The following CD3G variants were observed in gnomAD, a reference collection of about 807,000 sequenced individuals.
CD3G encodes CD3 gamma subunit of T-cell receptor complex, also known as T-cell surface glycoprotein CD3 gamma chain.
CD3G carries 24 observed loss-of-function variants against 28.3 expected under a neutral mutation model. The ratio of observed to expected loss-of-function variants is 0.85; its 90% CI spans 0.61 to 1.19. The LOEUF (loss-of-function observed/expected upper bound fraction) is 1.19. CD3G is among the 50% of genes most tolerant of loss of function. The pLI, the probability that CD3G is intolerant of heterozygous loss-of-function variation, is 0.00. For synonymous variants in CD3G, 71 were observed against 75.9 expected, an observed-to-expected ratio of 0.93 and a Z score of 0.34; for missense variants, 211 against 210.0, an observed-to-expected ratio of 1.00 and a Z score of -0.03.
Position 118,351,671 on chromosome 11 carries a change from G to A in CD3G, c.483G>A (p.Gln161=), listed in dbSNP as rs201537329. The part of the protein sequence containing the change: ...QTLLPNDQLY[Q]PLKDREDDQY... The stretch of plus-strand genomic sequence containing the variant: ...TGTTGCCCAATGACCAGCTCTACCA[G>A]GTAAGGGGATGAAGAATAAAAGAGA... The change falls in exon 5 of 7, where the codon CAG becomes CAA. Residue 161 remains glutamine (Q), a splice_region_variant and synonymous_variant. Transcript: ENST00000532917. 3.1e-6 allele frequency: 5 copies of A among 1,613,738 alleles called. No homozygotes were observed. In the African/African-American group the frequency reaches 4.0e-5, roughly 13 times the overall value.
chr11:118,352,513 T>C (rs1314947210), intron 6 of CD3G, 26 bp downstream of exon 6: 1 of 1,479,098 alleles, frequency 6.8e-7, no homozygotes, highest in Non-Finnish European at 9.4e-7. Flanking sequence ...CCAATTCTAA[T>C]AAAGGACCCT....
rs34109639 is a variant in CD3G, at chr11:118,351,186, C to CAAAAA, written c.440-426_440-422dup. Among the ~76,000 whole-genome samples, 44 of 70,520 alleles carry CAAAAA rather than the reference C, an allele frequency of 6.2e-4. 2 individuals are homozygous for CAAAAA. The highest frequency in any genetic ancestry group is 1.1e-3 in the African/African-American group (18 of 15,714). 46.3% of individuals were successfully genotyped at this position (70,520 alleles called of 152,430 possible). A position where few individuals can be genotyped will look rare whatever the true frequency, so the allele number is the denominator to read the frequency against. On this transcript the variant is annotated intron_variant, in intron 4 of 6. Transcript: ENST00000532917. ...TGGGCGACAGAGCAAGACTCCGTCT[C>CAAAAA]AAAAAAAAAAAAAAAAAAAACTATT... is the stretch of plus-strand genomic sequence containing the variant.
At chr11:118,345,934 G>A (rs1425928674) in intron 1 of CD3G, among the ~76,000 whole-genome samples, 1 of 152,212 alleles carries the variant, frequency 6.6e-6, no homozygotes, top group Non-Finnish European at 1.5e-5. Flanking sequence ...AATTATTTCT[G>A]AGAGAAATGC....
intron 1 of CD3G, among the ~76,000 whole-genome samples, chr11:118,346,449 A>G (rs1365328931): frequency 6.8e-6 from 1 of 147,808 alleles, no homozygotes; most frequent in African/African-American, 2.5e-5. Flanking sequence ...AAAACAAAAC[A>G]AAAAAAAAAG....
At chr11:118,350,907 A>AAAAAAAAAAAAAAAAAAAAAAG (rs1948403712) in intron 4 of CD3G, 1 of 1,285,902 alleles carries the variant, frequency 7.8e-7, no homozygotes, top group East Asian at 4.1e-5. Context: ...AAAAAAACAA[A>AAAAAAAAAAAAAAAAAAAAAAG]AACAGGCGCA....
intron 3 of CD3G, 138 bp from the exon 4 acceptor site, chr11:118,350,414 G>A (rs533556794): frequency 1.3e-6 from 1 of 758,968 alleles, no homozygotes; most frequent in African/African-American, 1.7e-5. Context: ...TTGGCGCAAG[G>A]ATCTTCCCTT....
At chr11:118,349,415 T>G (rs1948385155) in intron 2 of CD3G, 2 of 796,928 alleles carry the variant, frequency 2.5e-6, no homozygotes, top group Admixed American at 3.2e-5. Flanking sequence ...TCATCTGGTA[T>G]GCTGTTAGCA....
At position 118,349,034 on chromosome 11, in the gene CD3G, G is replaced by A; in HGVS notation, c.63G>A (p.Leu21=). Residue 21 remains leucine (L), a synonymous_variant, in exon 2 of 7, where the codon TTG becomes TTA. Transcript: ENST00000532917. ...TCTCTTCTGTCTTTACAGGTACTTT[G>A]GCCCAGTCAATCAAAGGTAGGAGAA... ...ILAIILLQGT[L]AQSIKGNHLV... is the part of the protein sequence containing the mutation. 6.2e-7 allele frequency: 1 copy of A among 1,614,058 alleles called. No homozygotes were observed. The highest frequency in any genetic ancestry group is 8.5e-7 in the Non-Finnish European group (1 of 1,179,994).
Position 118,350,641 on chromosome 11 carries a change from G to T in CD3G, c.397G>T (p.Val133Phe). ...CAGCATTTTCGTCCTTGCTGTTGGG[G>T]TCTACTTCATTGCTGGACAGGATGG... is the stretch of plus-strand genomic sequence containing the variant. ...IVSIFVLAVG[V>F]YFIAGQDGVR... Residue 133 changes from valine to phenylalanine, a missense_variant, in exon 4 of 7, where the codon GTC becomes TTC. Physicochemically the swap from Val to Phe is conservative, Grantham distance 50 (BLOSUM62 -1). Transcript: ENST00000532917. 6.2e-7 allele frequency: 1 copy of T among 1,613,918 alleles called. No individual in the cohort carries two copies. The highest frequency in any genetic ancestry group is 1.7e-5 in the Admixed American group (1 of 59,992).
In CD3G at chr11:118,352,486, A is replaced by G. The variant is rs1948418976; in HGVS notation, c.*17A>G. The G allele has an allele frequency of 1.2e-6, 2 of 1,607,686 alleles. No homozygotes were observed. The highest frequency in any genetic ancestry group is 2.7e-5 in the African/African-American group (2 of 74,908). Reference sequence around the variant, plus strand: ...AGGAATTGAACTCAGGACTCAGAGTAGGTGGGTTCTTCAATGCCAATTCTA... The same window carrying G: ...AGGAATTGAACTCAGGACTCAGAGTGGGTGGGTTCTTCAATGCCAATTCTA... On this transcript the variant is annotated splice_region_variant and 3_prime_UTR_variant, in exon 6 of 7. Transcript: ENST00000532917.
Position 118,352,404 on chromosome 11 carries a change from C to A in CD3G, c.484C>A (p.Pro162Thr), listed in dbSNP as rs200624053. Reference sequence around the variant, plus strand: ...CTTATGACTGTGCTGTCCTTTCCAGCCCCTCAAGGATCGAGAAGATGACCA... The same window carrying A: ...CTTATGACTGTGCTGTCCTTTCCAGACCCTCAAGGATCGAGAAGATGACCA... ...TLLPNDQLYQ[P>T]LKDREDDQYS... Residue 162 changes from proline (P) to threonine (T), a missense_variant and splice_region_variant, in exon 6 of 7, where the codon CCC becomes ACC. By Grantham distance (38) the Pro-to-Thr change is conservative. Coordinates refer to ENST00000532917, the MANE Select transcript of CD3G (RefSeq NM_000073.3). 1.2e-5 allele frequency: 20 copies of A among 1,613,368 alleles called. No individual in the cohort carries two copies. The highest frequency in any genetic ancestry group is 1.5e-5 in the Non-Finnish European group (18 of 1,179,324).
At position 118,352,452 on chromosome 11, in the gene CD3G, C is replaced by G. The variant is rs1322299946; in HGVS notation, c.532C>G (p.Gln178Glu). The change falls in exon 6 of 7, where the codon CAG becomes GAG. Residue 178 changes from glutamine to glutamate, a missense_variant. Physicochemically the swap from Gln to Glu is conservative, Grantham distance 29. Coordinates refer to ENST00000532917, the MANE Select transcript of CD3G (RefSeq NM_000073.3). ...DDQYSHLQGNQLRRN is the reference protein window; with the variant it reads ...DDQYSHLQGNELRRN ...CCAGTACAGCCACCTTCAAGGAAAC[C>G]AGTTGAGGAGGAATTGAACTCAGGA... 1.9e-6 allele frequency: 3 copies of G among 1,613,810 alleles called. No homozygotes were observed. Among genetic ancestry groups the G allele is most frequent in the African/African-American group, 1.3e-5 (1 of 74,906 alleles).
intron 5 of CD3G, 103 bp from the exon 6 acceptor site, chr11:118,352,301 A>G: frequency 1.1e-6 from 1 of 913,342 alleles, no homozygotes; most frequent in Non-Finnish European, 1.8e-6. Context: ...ACCATGAAGT[A>G]CCCACTCCAA....
chr11:118,352,100 C>T (rs1948415038), intron 5 of CD3G, among the ~76,000 whole-genome samples: 1 of 152,050 alleles, frequency 6.6e-6, no homozygotes, highest in Non-Finnish European at 1.5e-5. Context: ...CCTGTAGTCC[C>T]AGCTACTCAG....
rs1948433004 is a variant in CD3G, at chr11:118,354,305, T to TTTTTTTTTTTTTTTTTTTC, written c.*1220_*1221insTTTCTTTTTTTTTTTTTTT. 1 of 63,882 alleles carries TTTTTTTTTTTTTTTTTTTC rather than the reference T, an allele frequency of 1.6e-5. No individual in the cohort carries two copies. Among genetic ancestry groups the TTTTTTTTTTTTTTTTTTTC allele is most frequent in the African/African-American group, 5.9e-5 (1 of 16,948 alleles). 4.0% of individuals were successfully genotyped at this position (63,882 alleles called of 1,614,324 possible). A position where few individuals can be genotyped will look rare whatever the true frequency, so the allele number is the denominator to read the frequency against. On this transcript the variant is annotated 3_prime_UTR_variant, in exon 7 of 7. Transcript: ENST00000532917. Reference sequence around the variant, plus strand: ...TTTTTCTTTTCTTTTCTTTTTTTTCTTTTTTTTTTTTTTTTGAAGTGGAAT... The same window carrying TTTTTTTTTTTTTTTTTTTC: ...TTTTTCTTTTCTTTTCTTTTTTTTCTTTTTTTTTTTTTTTTTTTCTTTTTTTTTTTTTTTGAAGTGGAAT...
chr11:118,348,370 T>A (rs1948375175), intron 1 of CD3G, among the ~76,000 whole-genome samples: 1 of 152,060 alleles, frequency 6.6e-6, no homozygotes, highest in Non-Finnish European at 1.5e-5. Flanking sequence ...GTACTTCCTA[T>A]TTCAGTTTTA....
intron 2 of CD3G, 73 bp from the exon 3 acceptor site, chr11:118,349,670 C>A: frequency 9.0e-7 from 1 of 1,107,670 alleles, no homozygotes; most frequent in Non-Finnish European, 1.4e-6. Flanking sequence ...CTCTAATGAT[C>A]TCCTGGTATG....
At chr11:118,349,628 T>C in intron 2 of CD3G, 115 bp from the exon 3 acceptor site, 1 of 835,658 alleles carries the variant, frequency 1.2e-6, no homozygotes, top group Non-Finnish European at 2.0e-6. Context: ...CCCCATGTGA[T>C]TCATGTGCAC....
At chr11:118,345,289 G>A (rs1052320277) in intron 1 of CD3G, among the ~76,000 whole-genome samples, 1 of 152,194 alleles carries the variant, frequency 6.6e-6, no homozygotes, top group African/African-American at 2.4e-5. Flanking sequence ...GAAACCAAGA[G>A]AGTAGAGAGC....
Sources: gnomAD v4.1 joint callset for allele counts (sites outside exome capture counted in the v4.1 genomes callset) on GRCh38, gnomAD v4.1.1 for gene constraint, MANE v1.5 for transcripts, NCBI Gene and HGNC (gene_info 2026-07-23, HGNC 2026-07-21) for gene names.